The following INTS15 variants were observed in gnomAD, a reference collection of about 807,000 sequenced individuals.
INTS15 encodes the protein uncharacterized protein C7orf26.
chr7:6,605,003 G>GT, the INTS15 span, among the ~76,000 whole-genome samples: 5,228 of 151,786 alleles, frequency 0.034, 128 homozygotes, highest in Middle Eastern at 0.051. Context: ...TTTTTGTTTT[G>GT]TTTTTTTGAG....
chr7:6,593,495 G>A, the INTS15 span, among the ~76,000 whole-genome samples: 4 of 151,150 alleles, frequency 2.6e-5, no homozygotes, highest in African/African-American at 7.3e-5. Context: ...CAGTGGTGCC[G>A]GCCAATTTTT....
At chr7:6,602,595 C>G in the INTS15 span, 2 of 449,284 alleles carry the variant, frequency 4.5e-6, no homozygotes, top group African/African-American at 2.0e-5. Context: ...TGGGAAGTCT[C>G]TTGACCTGTC....
the INTS15 span, among the ~76,000 whole-genome samples, chr7:6,599,314 G>A: frequency 6.6e-6 from 1 of 152,150 alleles, no homozygotes; most frequent in African/African-American, 2.4e-5. Flanking sequence ...TCTGAGGGTT[G>A]CTTAGATGAG....
At chr7:6,595,517 C>T in the INTS15 span, among the ~76,000 whole-genome samples, 3 of 151,984 alleles carry the variant, frequency 2.0e-5, no homozygotes, top group Admixed American at 6.6e-5. Context: ...ACCACCTGGA[C>T]GTGTGCAGTT....
At chr7:6,591,610 A>T in the INTS15 span, 1 of 1,580,032 alleles carries the variant, frequency 6.3e-7, no homozygotes, top group Non-Finnish European at 8.7e-7. Flanking sequence ...CGTTACAGCC[A>T]CATTTCTTAA....
At chr7:6,603,745 A>G in the INTS15 span, among the ~76,000 whole-genome samples, 5 of 152,174 alleles carry the variant, frequency 3.3e-5, no homozygotes, top group South Asian at 2.1e-4. Flanking sequence ...AGGCTGAGGC[A>G]GGACAATTGC....
the INTS15 span, chr7:6,607,446 G>A: frequency 1.1e-6 from 1 of 943,924 alleles, no homozygotes; most frequent in Non-Finnish European, 1.5e-6. The surrounding 1 kb of genome is among the most constrained non-coding windows in gnomAD (Gnocchi z 6.0). Context: ...GGGCGGGGTG[G>A]GAGGTGGGTG....
chr7:6,598,788 T>TGTGTGTGTGTGTGTGTGTGTG, the INTS15 span, among the ~76,000 whole-genome samples: 7 of 39,194 alleles, frequency 1.8e-4, no homozygotes, highest in African/African-American at 1.0e-3. Flanking sequence ...TGTGTGTGTA[T>TGTGTGTGTGTGTGTGTGTGTG]TTTTTTTTTT....
chr7:6,597,711 C>A, the INTS15 span, among the ~76,000 whole-genome samples: 1 of 122,770 alleles, frequency 8.1e-6, no homozygotes, highest in Non-Finnish European at 1.7e-5. Context: ...GCCACTGACA[C>A]AGCACAGCAG....
the INTS15 span, chr7:6,590,589 C>T: frequency 1.4e-6 from 2 of 1,392,588 alleles, no homozygotes; most frequent in Non-Finnish European, 1.9e-6. Flanking sequence ...GATCCCCGCG[C>T]TCGCGCTCGG....
At chr7:6,606,371 T>A in the INTS15 span, among the ~76,000 whole-genome samples, 3 of 139,500 alleles carry the variant, frequency 2.2e-5, no homozygotes, top group African/African-American at 4.9e-5. Flanking sequence ...CTTGATGGAG[T>A]ATGGGGGAGT....
the INTS15 span, among the ~76,000 whole-genome samples, chr7:6,595,952 T>C: frequency 1.3e-5 from 2 of 152,200 alleles, no homozygotes; most frequent in African/African-American, 4.8e-5. Context: ...CCTGGTCTGA[T>C]AGCCATACCA....
At chr7:6,598,872 C>T in the INTS15 span, among the ~76,000 whole-genome samples, 1 of 150,744 alleles carries the variant, frequency 6.6e-6, no homozygotes, top group Non-Finnish European at 1.5e-5. Context: ...CTGCAACCTT[C>T]ACCTCCCAGT....
chr7:6,608,264 G>T, the INTS15 span: 1 of 1,477,520 alleles, frequency 6.8e-7, no homozygotes, highest in South Asian at 1.3e-5. Context: ...GGGTCGGGCA[G>T]CCCCTCCCCG....
the INTS15 span, among the ~76,000 whole-genome samples, chr7:6,592,586 TA>T: frequency 6.6e-6 from 1 of 151,836 alleles, no homozygotes; most frequent in Non-Finnish European, 1.5e-5. Context: ...ACTTTTTTTT[TA>T]AATTAGGGTG....
At chr7:6,605,658 T>C in the INTS15 span, among the ~76,000 whole-genome samples, 1 of 152,088 alleles carries the variant, frequency 6.6e-6, no homozygotes, top group East Asian at 1.9e-4. Flanking sequence ...GGCACTGCTG[T>C]TGGGGAAGGA....
the INTS15 span, chr7:6,608,137 C>T: frequency 2.5e-6 from 4 of 1,569,166 alleles, no homozygotes; most frequent in African/African-American, 4.1e-5. Context: ...CCGGCGTGAC[C>T]TTTCCCTTCA....
the INTS15 span, chr7:6,608,555 T>C: frequency 9.1e-7 from 1 of 1,097,012 alleles, no homozygotes; most frequent in East Asian, 8.5e-5. Flanking sequence ...AGTGGGCTCC[T>C]TCTGCAGCCC....
chr7:6,593,803 C>T, the INTS15 span, among the ~76,000 whole-genome samples: 1 of 151,692 alleles, frequency 6.6e-6, no homozygotes, highest in African/African-American at 2.4e-5. Context: ...GTATGTGCCA[C>T]CATATCTGGC....
Sources: allele counts gnomAD v4.1 joint callset (sites outside exome capture counted in the v4.1 genomes callset), GRCh38; gene constraint gnomAD v4.1.1; non-coding constraint Gnocchi (gnomAD v3.1); transcripts MANE v1.5; gene names NCBI Gene and HGNC (gene_info 2026-07-23, HGNC 2026-07-21).